Variants in ZNF362 observed in about 807,000 individuals in gnomAD.
The protein encoded by ZNF362 is rotund homolog.
Under a neutral mutation model 42.9 loss-of-function variants are expected in ZNF362, and 11 were observed. The observed-to-expected ratio is 0.26, with a 90% confidence interval of 0.16 to 0.42. The LOEUF (loss-of-function observed/expected upper bound fraction) is 0.42, where lower values mean the gene tolerates loss of function less well. Among genes scored for constraint, ZNF362 ranks in the 20% least tolerant of loss-of-function variants. The pLI is 1.00. For missense variants in ZNF362, 362 were observed against 576.2 expected (o/e 0.63, Z 3.81); for synonymous variants, 255 against 257.3 (o/e 0.99, Z 0.09).
the ZNF362 span, among the ~76,000 whole-genome samples, chr1:33,217,208 G>C: frequency 6.6e-6 from 1 of 152,190 alleles, no homozygotes; most frequent in Non-Finnish European, 1.5e-5. Flanking sequence ...GTGGAAACCT[G>C]CTGCCTAACC....
chr1:33,180,827 C>A, the ZNF362 span, among the ~76,000 whole-genome samples: 1 of 151,732 alleles, frequency 6.6e-6, no homozygotes, highest in African/African-American at 2.4e-5. Flanking sequence ...AAGGCCCCGC[C>A]CCCACGGCCC....
the ZNF362 span, among the ~76,000 whole-genome samples, chr1:33,202,860 TGTATATATTTAAG>T: frequency 1.3e-5 from 2 of 152,250 alleles, 1 homozygote; most frequent in South Asian, 4.1e-4. Flanking sequence ...AAATTTTTAT[TGTATATATTTAAG>T]GTATATAAAT....
the ZNF362 span, chr1:33,159,999 T>C: frequency 6.4e-7 from 1 of 1,574,514 alleles, no homozygotes. The surrounding 1 kb of genome is among the most constrained non-coding windows in gnomAD (Gnocchi z 4.2). Context: ...GGGTGATCTC[T>C]GGGTGAGAGG....
the ZNF362 span, among the ~76,000 whole-genome samples, chr1:33,167,211 C>T: frequency 6.6e-6 from 1 of 152,228 alleles, no homozygotes; most frequent in Non-Finnish European, 1.5e-5. This position sits in a 1 kb window ranked among gnomAD's most constrained non-coding sequence, Gnocchi z 4.2. Context: ...GGCACCTCCT[C>T]ATACCCTGTC....
the ZNF362 span, among the ~76,000 whole-genome samples, chr1:33,209,167 A>G: frequency 1.4e-4 from 22 of 152,290 alleles, no homozygotes; most frequent in East Asian, 3.3e-3. Context: ...TTCTGCATCT[A>G]TTGAGATAAT....
In ZNF362 at chr1:33,294,681, CTGG is replaced by C. The variant is rs2148137476; in HGVS notation, c.909-249_909-247del. ...CCTGCACTGGGTTGCTGCAAGGGCT[CTGG>C]TGGTGGGCTGGGGACAGCTGGGACC... On this transcript the variant is annotated intron_variant, in intron 6 of 8. Coordinates refer to ENST00000539719, the MANE Select transcript of ZNF362 (RefSeq NM_152493.3). The surrounding 1 kb of genome is among the most constrained non-coding windows in gnomAD (Gnocchi z 4.2). Among the ~76,000 whole-genome samples, 1 of 152,234 alleles carries C rather than the reference CTGG, an allele frequency of 6.6e-6. No homozygotes were observed. The highest frequency in any genetic ancestry group is 2.1e-4 in the South Asian group (1 of 4,824).
At chr1:33,207,241 G>T in the ZNF362 span, among the ~76,000 whole-genome samples, 5 of 152,036 alleles carry the variant, frequency 3.3e-5, no homozygotes, top group Admixed American at 3.3e-4. Context: ...GATAATGATG[G>T]TTTCCAGCTT....
At chr1:33,245,913 C>A in the ZNF362 span, among the ~76,000 whole-genome samples, 2 of 152,266 alleles carry the variant, frequency 1.3e-5, no homozygotes, top group East Asian at 3.9e-4. Context: ...GCACTCCAGA[C>A]TGGGTGACAG....
At chr1:33,204,272 A>T in the ZNF362 span, among the ~76,000 whole-genome samples, 4 of 152,158 alleles carry the variant, frequency 2.6e-5, no homozygotes, top group Non-Finnish European at 5.9e-5. Context: ...GTCAAAAATT[A>T]GTTGACCATA....
chr1:33,246,749 C>CT, the ZNF362 span, among the ~76,000 whole-genome samples: 1 of 152,214 alleles, frequency 6.6e-6, no homozygotes, highest in Non-Finnish European at 1.5e-5. Context: ...TGTTGCCTGC[C>CT]TAGTGGCTCC....
chr1:33,203,432 A>G, the ZNF362 span, among the ~76,000 whole-genome samples: 2 of 152,330 alleles, frequency 1.3e-5, no homozygotes, highest in South Asian at 2.1e-4. Context: ...TGCAATGAAC[A>G]TGGGAGTACA....
chr1:33,237,975 T>C, the ZNF362 span, among the ~76,000 whole-genome samples: 5 of 152,196 alleles, frequency 3.3e-5, no homozygotes, highest in Admixed American at 2.6e-4. Flanking sequence ...AGAGACCATA[T>C]ACTCCTTCTC....
chr1:33,208,986 T>A, the ZNF362 span, among the ~76,000 whole-genome samples: 4 of 152,226 alleles, frequency 2.6e-5, no homozygotes, highest in African/African-American at 7.2e-5. Context: ...AGAGAGGGCA[T>A]CCTTGTCTTG....
chr1:33,274,689 A>T (rs1429575968), intron 2 of ZNF362, among the ~76,000 whole-genome samples: 1 of 152,184 alleles, frequency 6.6e-6, no homozygotes, highest in Non-Finnish European at 1.5e-5. Flanking sequence ...CCATTTGCAT[A>T]TGGGCATTTG....
At chr1:33,230,153 G>A in the ZNF362 span, among the ~76,000 whole-genome samples, 89 of 152,256 alleles carry the variant, frequency 5.8e-4, no homozygotes, top group African/African-American at 2.0e-3. Flanking sequence ...TGTAACTTAA[G>A]CATGTTATTT....
Position 33,280,421 on chromosome 1 carries a change from C to T in ZNF362, c.647C>T (p.Ala216Val). The change falls in exon 5 of 9, where the codon GCC becomes GTC. Residue 216 changes from alanine (A) to valine (V), a missense_variant. This residue lies in a region of ZNF362 where 266 missense variants were observed against 365.4 expected (regional missense o/e 0.73). Transcript: ENST00000539719. This position sits in a 1 kb window ranked among gnomAD's most constrained non-coding sequence, Gnocchi z 5.6. Reference protein sequence around the residue: ...PVLVVPYPILASGETAKEGKT... With the variant: ...PVLVVPYPILVSGETAKEGKT... ...CTTGTAGTCCCCTATCCCATCCTGG[C>T]CTCGGGCGAGACTGCCAAGGAGGGC... 6.2e-7 allele frequency: 1 copy of T among 1,610,022 alleles called. No individual in the cohort carries two copies. The highest frequency in any genetic ancestry group is 8.5e-7 in the Non-Finnish European group (1 of 1,178,002).
intron 1 of ZNF362, among the ~76,000 whole-genome samples, chr1:33,260,019 C>T (rs950712168): frequency 4.6e-5 from 7 of 152,158 alleles, no homozygotes; most frequent in African/African-American, 9.7e-5. Flanking sequence ...GTGTATGACA[C>T]GTCTCCCTGC....
chr1:33,158,427 G>C, the ZNF362 span: 5 of 1,491,644 alleles, frequency 3.4e-6, no homozygotes, highest in South Asian at 5.7e-5. Flanking sequence ...CCCAATGCCA[G>C]GGGCCCCGCA....
chr1:33,168,734 G>A, the ZNF362 span, among the ~76,000 whole-genome samples: 1 of 152,204 alleles, frequency 6.6e-6, no homozygotes, highest in Non-Finnish European at 1.5e-5. Context: ...TAGAAAGACC[G>A]CTCCTCAGGT....
Sources: allele counts gnomAD v4.1 joint callset (sites outside exome capture counted in the v4.1 genomes callset), GRCh38; gene constraint gnomAD v4.1.1; regional missense constraint gnomAD v4.1.1; non-coding constraint Gnocchi (gnomAD v3.1); transcripts MANE v1.5; gene names NCBI Gene and HGNC (gene_info 2026-07-23, HGNC 2026-07-21).